Variants in KCNMA1 observed in about 807,000 individuals in gnomAD.
KCNMA1 encodes the protein potassium calcium-activated channel subfamily M alpha 1.
KCNMA1 carries 29 observed loss-of-function variants against 140.0 expected under a neutral mutation model. That is an observed-to-expected ratio of 0.21 (90% CI 0.15 to 0.28). KCNMA1 has a LOEUF of 0.28. Ranked by LOEUF, KCNMA1 falls within the 10% of genes least tolerant of loss-of-function variation. The pLI is 1.00. For missense variants in KCNMA1, 880 were observed against 1,602.2 expected (o/e 0.55, Z 7.70); for synonymous variants, 612 against 611.9 (o/e 1.00, Z 0.00).
At chr10:77,572,251 C>T (rs1316469106) in intron 1 of KCNMA1, among the ~76,000 whole-genome samples, 2 of 151,836 alleles carry the variant, frequency 1.3e-5, no homozygotes, top group Non-Finnish European at 2.9e-5. Flanking sequence ...TTAGAAACTA[C>T]AATTCAGAAT....
chr10:77,355,695 A>T (rs892048948), intron 2 of KCNMA1, among the ~76,000 whole-genome samples: 16 of 152,238 alleles, frequency 1.1e-4, no homozygotes, highest in Non-Finnish European at 2.2e-4. Context: ...GTTTGGCCTT[A>T]AGTCAGCCCT....
intron 14 of KCNMA1, among the ~76,000 whole-genome samples, chr10:77,068,013 G>A (rs944755077): frequency 2.6e-5 from 4 of 152,086 alleles, no homozygotes; most frequent in African/African-American, 9.7e-5. Context: ...TTCCCTTATC[G>A]TTTCTCACAT....
chr10:77,034,727 A>G (rs2094196736), intron 15 of KCNMA1, among the ~76,000 whole-genome samples: 1 of 152,210 alleles, frequency 6.6e-6, no homozygotes, highest in Non-Finnish European at 1.5e-5. Flanking sequence ...CAAGTTCCCC[A>G]GGCATTAAAT....
intron 1 of KCNMA1, among the ~76,000 whole-genome samples, chr10:77,576,722 T>C (rs549465231): frequency 6.6e-5 from 10 of 152,252 alleles, no homozygotes; most frequent in Admixed American, 3.3e-4. Flanking sequence ...AAGATCCAGT[T>C]CCCATCTGCA....
chr10:77,480,401 G>A (rs1446244993), intron 1 of KCNMA1, among the ~76,000 whole-genome samples: 12 of 152,278 alleles, frequency 7.9e-5, no homozygotes, highest in South Asian at 6.2e-4. Context: ...AACCAGCCAC[G>A]TGATGGACCC....
intron 2 of KCNMA1, among the ~76,000 whole-genome samples, chr10:77,359,692 G>A (rs1446207907): frequency 1.3e-5 from 2 of 152,190 alleles, no homozygotes; most frequent in African/African-American, 2.4e-5. Flanking sequence ...AGGAAATGGC[G>A]CCCCAAAGAC....
At chr10:77,298,039 T>G (rs1417423085) in intron 2 of KCNMA1, among the ~76,000 whole-genome samples, 1 of 152,108 alleles carries the variant, frequency 6.6e-6, no homozygotes, top group East Asian at 1.9e-4. Context: ...GCCCTTGAAG[T>G]TGTCAAGAAA....
chr10:77,135,014 A>AAAAAAAAAAAAAAAAAAAAAAAG (rs1233930540), intron 5 of KCNMA1, among the ~76,000 whole-genome samples: 1 of 143,752 alleles, frequency 7.0e-6, no homozygotes, highest in South Asian at 2.2e-4. Flanking sequence ...AAAAAAAAAA[A>AAAAAAAAAAAAAAAAAAAAAAAG]AAAAAAAAAA....
intron 9 of KCNMA1, among the ~76,000 whole-genome samples, chr10:77,095,624 G>T (rs374422386): frequency 6.6e-6 from 1 of 152,222 alleles, no homozygotes; most frequent in South Asian, 2.1e-4. Context: ...CCATAAATTC[G>T]CCAGTTGCTT....
chr10:77,572,568 CCATATA>C (rs1257601438), intron 1 of KCNMA1, among the ~76,000 whole-genome samples: 2 of 19,240 alleles, frequency 1.0e-4, no homozygotes, highest in African/African-American at 4.6e-4. Flanking sequence ...AAAAAAAAAT[CCATATA>C]TATATATATA....
chr10:77,604,844 C>A (rs1251829524), intron 1 of KCNMA1, among the ~76,000 whole-genome samples: 1 of 152,194 alleles, frequency 6.6e-6, no homozygotes, highest in Non-Finnish European at 1.5e-5. Flanking sequence ...AGGTCTCAGG[C>A]TCACCTGGAA....
At chr10:77,150,607 AACTATGG>A (rs1388250606) in intron 5 of KCNMA1, among the ~76,000 whole-genome samples, 1 of 152,232 alleles carries the variant, frequency 6.6e-6, no homozygotes, top group Non-Finnish European at 1.5e-5. Context: ...TATCAGAACC[AACTATGG>A]ACTATGGATA....
intron 2 of KCNMA1, among the ~76,000 whole-genome samples, chr10:77,384,438 G>A (rs1461394976): frequency 6.6e-6 from 1 of 152,246 alleles, no homozygotes; most frequent in African/African-American, 2.4e-5. Flanking sequence ...ACGAAGCCCA[G>A]TGGAGAGGCA....
chr10:76,880,530 G>A (rs561761837), downstream of KCNMA1, among the ~76,000 whole-genome samples: 2 of 152,140 alleles, frequency 1.3e-5, no homozygotes, highest in Non-Finnish European at 2.9e-5. Flanking sequence ...TGAATGCTCT[G>A]GGCGTTTTAC....
chr10:77,468,490 T>C (rs2098082668), intron 1 of KCNMA1, among the ~76,000 whole-genome samples: 1 of 152,154 alleles, frequency 6.6e-6, no homozygotes, highest in Admixed American at 6.5e-5. Context: ...CCTAATGCAA[T>C]ATGACTGGTG....
rs766961881 is a variant in KCNMA1 at position 77,274,512 on chromosome 10, A to G, written c.541-23256T>C. ...TAAAAATGTGCTTGCCACCCTATCC[A>G]TTTATCTATTTCCTTGGCAGTGCTC... is the stretch of plus-strand genomic sequence containing the variant. On this transcript the variant is annotated intron_variant, in intron 2 of 27. Transcript: ENST00000286628. Among the ~76,000 whole-genome samples, 6 of 152,238 alleles carry G rather than the reference A, an allele frequency of 3.9e-5. No homozygotes were observed. The South Asian group carries it at 8.3e-4, about 21-fold the overall frequency.
At chr10:77,593,083 T>C (rs1474547075) in intron 1 of KCNMA1, among the ~76,000 whole-genome samples, 1 of 152,230 alleles carries the variant, frequency 6.6e-6, no homozygotes, top group Non-Finnish European at 1.5e-5. Flanking sequence ...ACTGTCCACA[T>C]GCGCCCAGAA....
intron 2 of KCNMA1, among the ~76,000 whole-genome samples, chr10:77,397,805 A>G (rs2096112357): frequency 6.6e-6 from 1 of 152,062 alleles, no homozygotes; most frequent in African/African-American, 2.4e-5. Context: ...ATTGACTACT[A>G]TTCCACTCTC....
At chr10:77,547,649 C>A (rs1485412002) in intron 1 of KCNMA1, among the ~76,000 whole-genome samples, 2 of 152,200 alleles carry the variant, frequency 1.3e-5, no homozygotes, top group African/African-American at 4.8e-5. Flanking sequence ...CTTCCAAGCT[C>A]TTTCTTGAGT....
Sources: allele counts gnomAD v4.1 joint callset (sites outside exome capture counted in the v4.1 genomes callset), GRCh38; gene constraint gnomAD v4.1.1; transcripts MANE v1.5; gene names NCBI Gene and HGNC (gene_info 2026-07-23, HGNC 2026-07-21).